The following ARFGAP3 variants were observed in gnomAD, a reference collection of about 807,000 sequenced individuals.
ARFGAP3 encodes the protein ARF GTPase activating protein 3.
ARFGAP3 carries 72 observed loss-of-function variants against 75.0 expected under a neutral mutation model. The observed-to-expected ratio is 0.96, with a 90% CI of 0.79 to 1.17. The LOEUF (loss-of-function observed/expected upper bound fraction) is 1.17. Ranked by LOEUF, ARFGAP3 falls within the 50% of genes most tolerant of loss-of-function variation. The pLI, the probability that ARFGAP3 is intolerant of heterozygous loss-of-function variation, is 0.00. For synonymous variants in ARFGAP3, 221 were observed against 217.9 expected (o/e 1.01, Z -0.13); for missense variants, 620 against 626.6 (o/e 0.99, Z 0.11).
intron 3 of ARFGAP3, among the ~76,000 whole-genome samples, chr22:42,835,999 TTTTGA>T (rs1238983209): frequency 6.7e-6 from 1 of 149,356 alleles, no homozygotes; most frequent in Non-Finnish European, 1.5e-5. Flanking sequence ...TTTTTTTTTT[TTTTGA>T]GAGAGTCTTG....
At position 42,856,291 on chromosome 22, in the gene ARFGAP3, G is replaced by C. The variant is rs369608888; in HGVS notation, c.69+823C>G. 3.9e-5 allele frequency among the ~76,000 whole-genome samples: 6 copies of C among 152,338 alleles called. No individual in the cohort carries two copies. In the East Asian group the frequency reaches 9.6e-4, roughly 24 times the overall value. ...GCCAGCATATCGAGGTTCAATAACA[G>C]CTGTTCCCTTCGGGAAGTGACAGTG... On this transcript the variant is annotated intron_variant, in intron 1 of 15. Coordinates refer to ENST00000263245, the MANE Select transcript of ARFGAP3 (RefSeq NM_014570.5).
At chr22:42,822,035 T>G (rs958451722) in intron 9 of ARFGAP3, among the ~76,000 whole-genome samples, 1 of 152,200 alleles carries the variant, frequency 6.6e-6, no homozygotes, top group African/African-American at 2.4e-5. Flanking sequence ...TGTCTTTCCC[T>G]TCTCACTGAT....
At chr22:42,840,598 A>T (rs1003472514) in intron 3 of ARFGAP3, among the ~76,000 whole-genome samples, 8 of 147,010 alleles carry the variant, frequency 5.4e-5, no homozygotes, top group Non-Finnish European at 1.1e-4. Context: ...TGTTATTATT[A>T]TTTTTTTTTT....
intron 11 of ARFGAP3, 185 bp from the exon 12 acceptor site, chr22:42,811,129 G>T: frequency 2.1e-6 from 1 of 476,284 alleles, no homozygotes; most frequent in Non-Finnish European, 2.7e-6. Flanking sequence ...AAGTACCTGT[G>T]TTCAACCTTG....
rs12166575 is a variant in ARFGAP3 at position 42,813,909 on chromosome 22, C to T, written c.1065-2965G>A. Reference sequence around the variant, plus strand: ...TGTTTTGATTGTATAGCTCTCAATGCTTTTTTACTTTTATTTTTCCCCTCC... The same window carrying T: ...TGTTTTGATTGTATAGCTCTCAATGTTTTTTTACTTTTATTTTTCCCCTCC... On this transcript the variant is annotated intron_variant, in intron 11 of 15. Transcript: ENST00000263245. 9.5e-3 allele frequency among the ~76,000 whole-genome samples: 1,444 copies of T among 152,278 alleles called. 21 individuals carry two copies. The highest frequency in any genetic ancestry group is 0.033 in the African/African-American group (1,384 of 41,552).
Position 42,826,894 on chromosome 22 carries a change from T to A in ARFGAP3, c.625+46A>T, listed in dbSNP as rs770853280. Reference sequence around the variant, plus strand: ...GCAAGAGGATTTATTTTTTTCTTAATGAGTCATACACTTTAAATCAGAATG... The same window carrying A: ...GCAAGAGGATTTATTTTTTTCTTAAAGAGTCATACACTTTAAATCAGAATG... On this transcript the variant is annotated intron_variant, in intron 7 of 15. Coordinates refer to ENST00000263245, the MANE Select transcript of ARFGAP3 (RefSeq NM_014570.5). 13 of 1,544,604 alleles carry A rather than the reference T, an allele frequency of 8.4e-6. No individual in the cohort carries two copies. The African/African-American group carries it at 1.7e-4, about 20-fold the overall frequency.
chr22:42,854,855 T>C (rs1927430386), intron 1 of ARFGAP3, among the ~76,000 whole-genome samples: 1 of 152,224 alleles, frequency 6.6e-6, no homozygotes, highest in Non-Finnish European at 1.5e-5. Context: ...TTCAAACCAA[T>C]GATCAAATAA....
intron 2 of ARFGAP3, among the ~76,000 whole-genome samples, chr22:42,842,639 G>A (rs191535985): frequency 3.6e-4 from 55 of 151,812 alleles, no homozygotes; most frequent in African/African-American, 1.3e-3. Context: ...AGTAGAGACG[G>A]GGTTTTGCCA....
intron 6 of ARFGAP3, among the ~76,000 whole-genome samples, chr22:42,829,678 A>G (rs925410296): frequency 1.3e-5 from 2 of 152,202 alleles, no homozygotes; most frequent in African/African-American, 4.8e-5. Context: ...TCTTCACTTT[A>G]AAGTATTTTT....
chr22:42,854,923 T>C (rs1927431956), intron 1 of ARFGAP3, among the ~76,000 whole-genome samples: 1 of 151,704 alleles, frequency 6.6e-6, no homozygotes, highest in Non-Finnish European at 1.5e-5. Flanking sequence ...AAAACATTTT[T>C]GCTCATTGCT....
intron 3 of ARFGAP3, among the ~76,000 whole-genome samples, chr22:42,840,116 A>T (rs1484710513): frequency 6.6e-6 from 1 of 151,462 alleles, no homozygotes. Flanking sequence ...TTTTTTGCAG[A>T]AACGGAGTTT....
chr22:42,807,266 G>A, intron 13 of ARFGAP3, 103 bp from the exon 14 acceptor site: 3 of 1,469,610 alleles, frequency 2.0e-6, no homozygotes, highest in Non-Finnish European at 2.7e-6. Context: ...TTGACCCCCA[G>A]GCTCTTTCTT....
chr22:42,842,302 GCC>G (rs1309195412), intron 2 of ARFGAP3, among the ~76,000 whole-genome samples: 2,455 of 118,674 alleles, frequency 0.021, 81 homozygotes, highest in African/African-American at 0.083. Context: ...ACCGTGCCTG[GCC>G]TTTTTTTTTT....
chr22:42,834,986 G>A (rs112828912), intron 4 of ARFGAP3, among the ~76,000 whole-genome samples: 5,853 of 152,242 alleles, frequency 0.038, 159 homozygotes, highest in African/African-American at 0.074. Flanking sequence ...CATTAAATAA[G>A]CTTCATTCAG....
chr22:42,838,597 A>G (rs1376333691), intron 3 of ARFGAP3, among the ~76,000 whole-genome samples: 1 of 151,806 alleles, frequency 6.6e-6, no homozygotes, highest in African/African-American at 2.4e-5. Context: ...ATGCCTGGCC[A>G]TAATTTTTAT....
intron 2 of ARFGAP3, among the ~76,000 whole-genome samples, chr22:42,846,190 C>G (rs1411393731): frequency 6.6e-6 from 1 of 152,116 alleles, no homozygotes; most frequent in African/African-American, 2.4e-5. Flanking sequence ...AGATGGGCAG[C>G]CTAGCTGGTT....
At chr22:42,810,973 T>G in intron 11 of ARFGAP3, 29 bp from the exon 12 acceptor site, 1 of 1,608,570 alleles carries the variant, frequency 6.2e-7, no homozygotes, top group Non-Finnish European at 8.5e-7. Flanking sequence ...AACAGTGACT[T>G]TGGAGGTCCT....
intron 5 of ARFGAP3, 184 bp from the exon 6 acceptor site, chr22:42,831,820 T>C (rs1249939384): frequency 6.9e-6 from 6 of 875,728 alleles, no homozygotes; most frequent in South Asian, 5.2e-5. Flanking sequence ...TCTTGCTCTG[T>C]TGCCCAGGCT....
At chr22:42,810,625 C>T (rs1925324548) in intron 12 of ARFGAP3, among the ~76,000 whole-genome samples, 188 bp downstream of exon 12, 1 of 152,188 alleles carries the variant, frequency 6.6e-6, no homozygotes, top group East Asian at 1.9e-4. Context: ...GTGATCATAG[C>T]TCACTGCAGC....
Sources: gnomAD v4.1 joint callset for allele counts (sites outside exome capture counted in the v4.1 genomes callset) on GRCh38, gnomAD v4.1.1 for gene constraint, MANE v1.5 for transcripts, NCBI Gene and HGNC (gene_info 2026-07-23, HGNC 2026-07-21) for gene names.